The following ANLN variants were observed in gnomAD, a reference collection of about 807,000 sequenced individuals.
ANLN encodes anillin.
A neutral mutation model predicts 135.1 loss-of-function variants in ANLN; 59 were observed. The observed-to-expected ratio is 0.44, with a 90% CI of 0.35 to 0.54. ANLN has a LOEUF of 0.54. Ranked by LOEUF, ANLN falls within the 20% of genes least tolerant of loss-of-function variation. The probability of loss-of-function intolerance (pLI) is 0.00; values close to 1 mark genes in which losing one functional copy is unlikely to be tolerated. For missense variants in ANLN, 1,182 were observed against 1,340.0 expected, an observed-to-expected ratio of 0.88 and a Z score of 1.84; for synonymous variants, 406 against 456.4, an observed-to-expected ratio of 0.89 and a Z score of 1.41.
intron 20 of ANLN, among the ~76,000 whole-genome samples, chr7:36,435,540 CTT>C (rs1462511568): frequency 6.6e-6 from 1 of 152,044 alleles, no homozygotes; most frequent in South Asian, 2.1e-4. Context: ...AATGTGTACT[CTT>C]TTGAATCTAA....
intron 1 of ANLN, among the ~76,000 whole-genome samples, chr7:36,394,161 G>C (rs1159747172): frequency 3.3e-5 from 5 of 152,192 alleles, no homozygotes; most frequent in South Asian, 2.1e-4. Flanking sequence ...ACAGGATCTT[G>C]CTTTGTTGCC....
chr7:36,418,749 TTTTTC>T (rs929344163), intron 9 of ANLN, among the ~76,000 whole-genome samples: 5 of 134,936 alleles, frequency 3.7e-5, no homozygotes, highest in African/African-American at 1.3e-4. Flanking sequence ...TTCTTTTTCT[TTTTTC>T]TTTTTTTTTT....
chr7:36,418,601 C>G (rs568177915), intron 9 of ANLN, among the ~76,000 whole-genome samples: 1 of 152,042 alleles, frequency 6.6e-6, no homozygotes, highest in Non-Finnish European at 1.5e-5. Flanking sequence ...TAGCTCTCAA[C>G]GATAGAAAAA....
intron 1 of ANLN, among the ~76,000 whole-genome samples, chr7:36,390,777 A>G (rs1786415481): frequency 6.6e-6 from 1 of 152,194 alleles, no homozygotes; most frequent in South Asian, 2.1e-4. Flanking sequence ...GAGATTGCAT[A>G]TGGGTTACAT....
intron 3 of ANLN, among the ~76,000 whole-genome samples, chr7:36,401,189 G>C (rs1487614384): frequency 6.6e-6 from 1 of 152,064 alleles, no homozygotes; most frequent in African/African-American, 2.4e-5. Context: ...TTATAATCTT[G>C]AGATATATAC....
chr7:36,428,404 C>T, intron 20 of ANLN: 1 of 1,106,472 alleles, frequency 9.0e-7, no homozygotes, highest in Non-Finnish European at 1.2e-6. Context: ...GCTTAAAAAT[C>T]AATCCTTAAT....
intron 18 of ANLN, 69 bp from the exon 19 acceptor site, chr7:36,425,946 T>C (rs1003416981): frequency 3.7e-6 from 5 of 1,342,686 alleles, no homozygotes; most frequent in Non-Finnish European, 2.1e-6. Context: ...GTGATTCATA[T>C]TTAAATCTTT....
chr7:36,419,167 A>G, intron 9 of ANLN, 77 bp from the exon 10 acceptor site: 1 of 1,032,486 alleles, frequency 9.7e-7, no homozygotes, highest in Non-Finnish European at 1.4e-6. Context: ...AAGAATATGA[A>G]TATTAAATTT....
intron 5 of ANLN, among the ~76,000 whole-genome samples, chr7:36,410,278 A>G (rs1234828679): frequency 6.6e-6 from 1 of 151,692 alleles, no homozygotes; most frequent in Non-Finnish European, 1.5e-5. Flanking sequence ...ACCTTTTCAA[A>G]ATTTTTTTTT....
Position 36,420,622 on chromosome 7 carries a change from T to G in ANLN, c.2041T>G (p.Phe681Val), listed in dbSNP as rs370654620. ...YSIDAYRSQR[F>V]KETERPSIKQ... Reference sequence around the variant, plus strand: ...CATTGATGCATATAGATCTCAAAGATTCAAAGAAACAGAACGTCCATCAAT... The same window carrying G: ...CATTGATGCATATAGATCTCAAAGAGTCAAAGAAACAGAACGTCCATCAAT... Residue 681 changes from phenylalanine to valine, a missense_variant, in exon 12 of 24, where the codon TTC (phenylalanine) becomes GTC (valine). Phe to Val is a conservative substitution (Grantham distance 50). Coordinates refer to ENST00000265748, the MANE Select transcript of ANLN (RefSeq NM_018685.5). The G allele has an allele frequency of 6.9e-5, 111 of 1,613,452 alleles. 4 individuals are homozygous for G. The South Asian group carries it at 1.1e-3, about 16-fold the overall frequency.
At chr7:36,412,329 T>TATATATA (rs1562796065) in intron 7 of ANLN, among the ~76,000 whole-genome samples, 188 of 61,520 alleles carry the variant, frequency 3.1e-3, no homozygotes, top group East Asian at 0.011. Context: ...ATATATATAT[T>TATATATA]TTTTTTTTTT....
intron 7 of ANLN, among the ~76,000 whole-genome samples, chr7:36,413,963 C>T (rs773970972): frequency 4.0e-5 from 6 of 151,302 alleles, no homozygotes; most frequent in African/African-American, 1.5e-4. Context: ...CACTGCACTC[C>T]AGTCTGGGCA....
chr7:36,402,112 ATT>A (rs572615037), intron 3 of ANLN, among the ~76,000 whole-genome samples: 9 of 89,700 alleles, frequency 1.0e-4, no homozygotes, highest in Admixed American at 3.1e-4. Context: ...CAATAAAGCT[ATT>A]TTTTTTTTTT....
intron 20 of ANLN, among the ~76,000 whole-genome samples, chr7:36,438,702 G>A (rs1222021480): frequency 2.0e-5 from 3 of 152,166 alleles, no homozygotes; most frequent in Non-Finnish European, 4.4e-5. Flanking sequence ...CCAAAGTTTT[G>A]CGTTACGTTT....
Position 36,395,758 on chromosome 7 carries a change from G to C in ANLN, c.19-508G>C, listed in dbSNP as rs142535886. ...TGATCTGGCAGATTATCTGGAGCTG[G>C]ATGGTCTAAGGTGGCCTTATTCATA... On this transcript the variant is annotated intron_variant, in intron 1 of 23. Coordinates refer to ENST00000265748, the MANE Select transcript of ANLN (RefSeq NM_018685.5). Among the ~76,000 whole-genome samples, 96 of 152,058 alleles carry C rather than the reference G, an allele frequency of 6.3e-4. No homozygotes were observed. In the East Asian group the frequency reaches 8.3e-3, roughly 13 times the overall value.
intron 2 of ANLN, 140 bp downstream of exon 2, chr7:36,396,559 TTC>T: frequency 1.4e-6 from 1 of 739,160 alleles, no homozygotes; most frequent in Non-Finnish European, 2.0e-6. Flanking sequence ...AATAACAGCC[TTC>T]TATTCTATTT....
At chr7:36,448,278 G>A (rs570174118) in intron 22 of ANLN, among the ~76,000 whole-genome samples, 6 of 152,270 alleles carry the variant, frequency 3.9e-5, no homozygotes, top group African/African-American at 1.4e-4. Context: ...ACCTCCTGAA[G>A]TGTTGATATT....
At chr7:36,401,561 A>G (rs1786949888) in intron 3 of ANLN, among the ~76,000 whole-genome samples, 1 of 148,186 alleles carries the variant, frequency 6.7e-6, no homozygotes, top group African/African-American at 2.5e-5. Flanking sequence ...CTGGTCTTGA[A>G]CTCCTGACCT....
chr7:36,452,802 A>G lies in ANLN; in HGVS notation c.*202A>G. 2.2e-6 allele frequency: 1 copy of G among 447,812 alleles called. No individual in the cohort carries two copies. Among genetic ancestry groups the G allele is most frequent in the Non-Finnish European group, 3.8e-6 (1 of 261,342 alleles). The allele number at this position is 447,812 out of a possible 1,614,324, so 27.7% of individuals were successfully genotyped here. On this transcript the variant is annotated 3_prime_UTR_variant, in exon 24 of 24. Transcript: ENST00000265748. ...GTCATTCATCAATGAGTAGAAGTAA[A>G]TACATTATAGTTGATTTTGCTAAAT...
Sources: gnomAD v4.1 joint callset for allele counts (sites outside exome capture counted in the v4.1 genomes callset) on GRCh38, gnomAD v4.1.1 for gene constraint, MANE v1.5 for transcripts, NCBI Gene and HGNC (gene_info 2026-07-23, HGNC 2026-07-21) for gene names.